The following LTBP4 variants were observed in gnomAD, a reference collection of about 807,000 sequenced individuals.
LTBP4 encodes the protein latent-transforming growth factor beta-binding protein 4.
In LTBP4, 93 loss-of-function variants were observed where a neutral mutation model predicts 180.2. The ratio of observed to expected loss-of-function variants is 0.52; its 90% confidence interval spans 0.44 to 0.61. The LOEUF is 0.61. Among genes scored for constraint, LTBP4 ranks in the 20% least tolerant of loss-of-function variants. The pLI is 0.00. For synonymous variants in LTBP4, 947 were observed against 934.5 expected (o/e 1.01, Z -0.24); for missense variants, 2,116 against 2,256.5 (o/e 0.94, Z 1.26).
At chr19:40,604,013 G>A (rs2081441558) in intron 1 of LTBP4, among the ~76,000 whole-genome samples, 1 of 152,284 alleles carries the variant, frequency 6.6e-6, no homozygotes, top group Non-Finnish European at 1.5e-5. Flanking sequence ...CCGCCCCGGT[G>A]CTACTGGAGG....
rs1479493990 is a variant in LTBP4, at chr19:40,629,403, C to T, written c.4527C>T (p.Asn1509=). Residue 1509 remains asparagine (N), a synonymous_variant, in exon 30 of 30, where the codon AAC becomes AAT. Transcript: ENST00000396819. The surrounding 1 kb of genome is among the most constrained non-coding windows in gnomAD (Gnocchi z 4.5). The part of the protein sequence containing the change: ...DMTRMACVDI[N]ECDEAEAASP... ...GTTGTCTCCCCTCCGCAGACATCAACGAGTGTGATGAGGCCGAGGCTGCCT... is the reference window on the plus strand; with the variant it reads ...GTTGTCTCCCCTCCGCAGACATCAATGAGTGTGATGAGGCCGAGGCTGCCT... 1.9e-6 allele frequency: 3 copies of T among 1,612,968 alleles called. No individual in the cohort carries two copies. Among genetic ancestry groups the T allele is most frequent in the South Asian group, 2.2e-5 (2 of 91,088 alleles).
intron 11 of LTBP4, 70 bp from the exon 12 acceptor site, chr19:40,610,462 C>T: frequency 6.6e-7 from 1 of 1,524,582 alleles, no homozygotes; most frequent in Non-Finnish European, 8.8e-7. Flanking sequence ...TTCCCTCTAC[C>T]CCTGCCTCCT....
At position 40,613,002 on chromosome 19, in the gene LTBP4, C is replaced by G; in HGVS notation, c.2300-63C>G. The G allele has an allele frequency of 6.4e-7, 1 of 1,555,226 alleles. No homozygotes were observed. Among genetic ancestry groups the G allele is most frequent in the African/African-American group, 1.4e-5 (1 of 73,754 alleles). On this transcript the variant is annotated intron_variant, in intron 15 of 29. Transcript: ENST00000396819. The surrounding 1 kb of genome is among the most constrained non-coding windows in gnomAD (Gnocchi z 5.0). ...ACCACCTCCCCCAGACACCCTACTC[C>G]AAGGGGATTGGTCGGGTGTGTCCCG...
In LTBP4 at chr19:40,624,079, C is replaced by T. The variant is rs537831883; in HGVS notation, c.3829C>T (p.Leu1277Phe). 203 of 1,555,640 alleles carry T rather than the reference C, an allele frequency of 1.3e-4. 1 individual carries two copies. In the East Asian group the frequency reaches 4.7e-3, roughly 36 times the overall value. ...RRCVSNESQS[L>F]DDNLGVCWQE... ...CTGCGTCTCCAACGAGAGCCAGAGC[C>T]TCGGTAACCCCGCCCACGCCATCCA... The change falls in exon 26 of 30, where the codon CTC becomes TTC. Residue 1277 changes from leucine (L) to phenylalanine (F), a missense_variant. By Grantham distance (22) the Leu-to-Phe change is conservative. This residue lies in a region of LTBP4 where 488 missense variants were observed against 458.8 expected (regional missense o/e 1.06). Coordinates refer to ENST00000396819, the MANE Select transcript of LTBP4 (RefSeq NM_001042545.2).
At chr19:40,626,543 C>T (rs1333507722) in intron 27 of LTBP4, among the ~76,000 whole-genome samples, 1 of 152,118 alleles carries the variant, frequency 6.6e-6, no homozygotes, top group African/African-American at 2.4e-5. Context: ...CTGAGTCCCT[C>T]AGTCCTCAGC....
chr19:40,619,467 G>A lies in LTBP4; in HGVS notation c.3191G>A (p.Arg1064His), dbSNP rs543477447. The A allele has an allele frequency of 3.7e-6, 6 of 1,612,368 alleles. No homozygotes were observed. In the Middle Eastern group the frequency reaches 5.0e-4, roughly 133 times the overall value. Residue 1064 changes from arginine (R) to histidine (H), a missense_variant, in exon 22 of 30, where the codon CGC (arginine) becomes CAC (histidine). By Grantham distance (29) the Arg-to-His change is conservative (BLOSUM62 0). Transcript: ENST00000396819. ...SPEEFDPMTG[R>H]CVPPRTSAGT... is the part of the protein sequence containing the mutation. ...GAAGAGTTTGACCCCATGACTGGACGCTGTGTTCCCCCACGAACTTCTGCT... is the reference window on the plus strand; with the variant it reads ...GAAGAGTTTGACCCCATGACTGGACACTGTGTTCCCCCACGAACTTCTGCT...
rs1054967286 is a variant in LTBP4 at position 40,623,008 on chromosome 19, G to C, written c.3543G>C (p.Leu1181=). 2.5e-6 allele frequency: 4 copies of C among 1,611,368 alleles called. No homozygotes were observed. The Admixed American group carries it at 5.0e-5, about 20-fold the overall frequency. The part of the protein sequence containing the change: ...GRGYLAPSGD[L]SLRRDVDECQ... ...GCTACCTGGCGCCCAGTGGAGACCTGAGCCTCCGGAGAGGTGAGGCCAGCC... is the reference window on the plus strand; with the variant it reads ...GCTACCTGGCGCCCAGTGGAGACCTCAGCCTCCGGAGAGGTGAGGCCAGCC... The change falls in exon 24 of 30, where the codon CTG becomes CTC. Residue 1181 remains leucine (L), a synonymous_variant. Coordinates refer to ENST00000396819, the MANE Select transcript of LTBP4 (RefSeq NM_001042545.2).
rs927322395 is a variant in LTBP4, at chr19:40,611,654, G to A, written c.2054-205G>A. ...CACCTGAGGCAGGGCAGGCAACATGGAGTTGGTGCCTTAGCCCCCACCTTA... is the reference window on the plus strand; with the variant it reads ...CACCTGAGGCAGGGCAGGCAACATGAAGTTGGTGCCTTAGCCCCCACCTTA... On this transcript the variant is annotated intron_variant, in intron 13 of 29. Transcript: ENST00000396819. This position sits in a 1 kb window ranked among gnomAD's most constrained non-coding sequence, Gnocchi z 4.4. Among the ~76,000 whole-genome samples, 5 of 152,180 alleles carry A rather than the reference G, an allele frequency of 3.3e-5. No homozygotes were observed. Among genetic ancestry groups the A allele is most frequent in the African/African-American group, 1.2e-4 (5 of 41,428 alleles).
chr19:40,610,723 C>G, intron 12 of LTBP4, 66 bp downstream of exon 12: 1 of 1,514,822 alleles, frequency 6.6e-7, no homozygotes, highest in Non-Finnish European at 8.8e-7. Flanking sequence ...GTGATGAGGG[C>G]CAGAGAGACT....
rs1453470358 is a variant in LTBP4, at chr19:40,609,272, G to C, written c.1427-258G>C. On this transcript the variant is annotated intron_variant, in intron 9 of 29. Transcript: ENST00000396819. The surrounding 1 kb of genome is among the most constrained non-coding windows in gnomAD (Gnocchi z 4.9). ...ATTTCTCAGGTAGGGCACTAAGAAT[G>C]TATCTCAGGCGGAGGGTTGGAGAGC... 2.6e-5 allele frequency among the ~76,000 whole-genome samples: 4 copies of C among 152,176 alleles called. No homozygotes were observed. The highest frequency in any genetic ancestry group is 6.5e-5 in the Admixed American group (1 of 15,274).
upstream of LTBP4, chr19:40,599,670 C>G: frequency 9.5e-7 from 1 of 1,052,236 alleles, no homozygotes; most frequent in Admixed American, 2.1e-5. Context: ...CCCTCCCCGG[C>G]TCTTTCTTTT....
At chr19:40,625,711 G>A in intron 26 of LTBP4, 146 bp from the exon 27 acceptor site, 1 of 683,050 alleles carries the variant, frequency 1.5e-6, no homozygotes. Flanking sequence ...AGTGACCTCA[G>A]AGAACTTCCA....
At position 40,623,721 on chromosome 19, in the gene LTBP4, T is replaced by G. The variant is rs755966800; in HGVS notation, c.3674T>G (p.Leu1225Arg). 1.1e-5 allele frequency: 17 copies of G among 1,613,800 alleles called. No individual in the cohort carries two copies. In the Admixed American group the frequency reaches 1.2e-4, roughly 11 times the overall value. Residue 1225 changes from leucine to arginine, a missense_variant, in exon 25 of 30, where the codon CTG becomes CGG. Transcript: ENST00000396819. ...SNGYYYHTQR[L>R]ECIDNDECAD... ...GGCTACTACTACCACACACAGCGGC[T>G]GGAGTGCATCGGTACAAGCCCCACC...
rs1568414591 is a variant in LTBP4 at position 40,625,303 on chromosome 19, TATATATATA to T, written c.3833-553_3833-545del. 6.2e-3 allele frequency among the ~76,000 whole-genome samples: 130 copies of T among 20,838 alleles called. 22 individuals are homozygous for T. The highest frequency in any genetic ancestry group is 7.8e-3 in the Non-Finnish European group (105 of 13,530). 13.7% of individuals were successfully genotyped at this position (20,838 alleles called of 152,430 possible). ...ATATATATATATATATATATATATA[TATATATATA>T]TATATTTTTTTTTTTAAAGATGGGT... is the stretch of plus-strand genomic sequence containing the variant. On this transcript the variant is annotated intron_variant, in intron 26 of 29. Coordinates refer to ENST00000396819, the MANE Select transcript of LTBP4 (RefSeq NM_001042545.2).
At position 40,629,141 on chromosome 19, in the gene LTBP4, G is replaced by A. The variant is rs2081658430; in HGVS notation, c.4520-255G>A. Reference sequence around the variant, plus strand: ...TGAGATTACAGGCATGAGCCACCGCGCCCGGCCATTATTATTTTCTTAACA... The same window carrying A: ...TGAGATTACAGGCATGAGCCACCGCACCCGGCCATTATTATTTTCTTAACA... On this transcript the variant is annotated intron_variant, in intron 29 of 29. Coordinates refer to ENST00000396819, the MANE Select transcript of LTBP4 (RefSeq NM_001042545.2). The surrounding 1 kb of genome is among the most constrained non-coding windows in gnomAD (Gnocchi z 4.5). Among the ~76,000 whole-genome samples, 1 of 152,074 alleles carries A rather than the reference G, an allele frequency of 6.6e-6. No homozygotes were observed. The highest frequency in any genetic ancestry group is 2.4e-5 in the African/African-American group (1 of 41,408).
chr19:40,622,335 C>G lies in LTBP4; in HGVS notation c.3218-66C>G. On this transcript the variant is annotated intron_variant, in intron 22 of 29. Transcript: ENST00000396819. The surrounding 1 kb of genome is among the most constrained non-coding windows in gnomAD (Gnocchi z 5.1). ...CCTATCTATGCCAGCCTCAGTTTCC[C>G]CATCTATGATAGTGGCGGGGCTGGG... 6.9e-7 allele frequency: 1 copy of G among 1,441,834 alleles called. No individual in the cohort carries two copies. Among genetic ancestry groups the G allele is most frequent in the East Asian group, 2.5e-5 (1 of 39,698 alleles). The allele number at this position is 1,441,834 out of a possible 1,614,324, so 89.3% of individuals were successfully genotyped here. A position where few individuals can be genotyped will look rare whatever the true frequency, so the allele number is the denominator to read the frequency against.
chr19:40,612,198 A>G lies in LTBP4; in HGVS notation c.2299+6A>G. The stretch of plus-strand genomic sequence containing the variant: ...GCACCGTGGCAGATGCACTGGTGAG[A>G]CCAGGCCCTGGCTGTGACCTTGGGC... On this transcript the variant is annotated splice_donor_region_variant and intron_variant, in intron 15 of 29. Transcript: ENST00000396819. The G allele has an allele frequency of 6.3e-7, 1 of 1,594,634 alleles. No individual in the cohort carries two copies. Among genetic ancestry groups the G allele is most frequent in the Non-Finnish European group, 8.5e-7 (1 of 1,171,340 alleles).
In LTBP4 at chr19:40,616,896, T is replaced by C; in HGVS notation, c.2820T>C (p.Asp940=). The part of the protein sequence containing the change: ...AGPEGTCDDV[D]ECQEYGPEIC... ...CTCCTCCACACTCTGCAGATGTGGA[T>C]GAGTGCCAAGAATATGGTCCCGAGA... Residue 940 remains aspartate (D), a synonymous_variant, in exon 20 of 30, where the codon GAT becomes GAC. Coordinates refer to ENST00000396819, the MANE Select transcript of LTBP4 (RefSeq NM_001042545.2). 6.2e-7 allele frequency: 1 copy of C among 1,613,922 alleles called. No homozygotes were observed. Among genetic ancestry groups the C allele is most frequent in the Non-Finnish European group, 8.5e-7 (1 of 1,179,846 alleles).
At chr19:40,628,080 C>A (rs2081650806) in intron 29 of LTBP4, among the ~76,000 whole-genome samples, 1 of 152,228 alleles carries the variant, frequency 6.6e-6, no homozygotes, top group Admixed American at 6.5e-5. Flanking sequence ...GGGGCTGGAG[C>A]CGGGCCTTGA....
Sources: allele counts gnomAD v4.1 joint callset (sites outside exome capture counted in the v4.1 genomes callset), GRCh38; gene constraint gnomAD v4.1.1; regional missense constraint gnomAD v4.1.1; non-coding constraint Gnocchi (gnomAD v3.1); transcripts MANE v1.5; gene names NCBI Gene and HGNC (gene_info 2026-07-23, HGNC 2026-07-21).